The following HECW2 variants were observed in gnomAD, a reference collection of about 807,000 sequenced individuals.
HECW2 encodes the protein HECT, C2 and WW domain containing E3 ubiquitin protein ligase 2, also known as E3 ubiquitin-protein ligase HECW2.
In HECW2, 61 loss-of-function variants were observed where a neutral mutation model predicts 175.2. The observed-to-expected ratio is 0.35, with a 90% confidence interval of 0.28 to 0.43. The LOEUF is 0.43. Among genes scored for constraint, HECW2 ranks in the 20% least tolerant of loss-of-function variants. HECW2 has a pLI of 1.00. For synonymous variants in HECW2, 671 were observed against 731.0 expected (o/e 0.92, Z 1.32); for missense variants, 1,524 against 2,000.5 (o/e 0.76, Z 4.54).
intron 1 of HECW2, among the ~76,000 whole-genome samples, chr2:196,580,613 G>A (rs1333555147): frequency 1.5e-5 from 2 of 137,094 alleles, no homozygotes; most frequent in African/African-American, 2.7e-5. Flanking sequence ...AAATACAAAC[G>A]AAAACCTTAA....
intron 1 of HECW2, among the ~76,000 whole-genome samples, chr2:196,491,359 CATAT>C (rs200469302): frequency 0.055 from 4,910 of 89,440 alleles, 120 homozygotes; most frequent in South Asian, 0.11. Context: ...AATACAAAAT[CATAT>C]ATATATACAC....
chr2:196,450,165 T>C (rs1410095389), intron 1 of HECW2, among the ~76,000 whole-genome samples: 2 of 152,214 alleles, frequency 1.3e-5, no homozygotes, highest in Non-Finnish European at 2.9e-5. Flanking sequence ...GAGTTTAGGT[T>C]GGGTTTCTGT....
intron 2 of HECW2, among the ~76,000 whole-genome samples, chr2:196,354,616 A>G (rs16850199): frequency 0.074 from 11,343 of 152,328 alleles, 639 homozygotes; most frequent in African/African-American, 0.16. Context: ...AAAAAGAAAT[A>G]ACATTTTCAC....
chr2:196,420,450 A>G (rs1695378039), intron 2 of HECW2, among the ~76,000 whole-genome samples: 1 of 152,262 alleles, frequency 6.6e-6, no homozygotes, highest in Non-Finnish European at 1.5e-5. Context: ...AATGATAAAA[A>G]TAGCTGGTGC....
At chr2:196,433,864 T>G (rs1695791347) in intron 1 of HECW2, among the ~76,000 whole-genome samples, 2 of 152,210 alleles carry the variant, frequency 1.3e-5, no homozygotes, top group Admixed American at 1.3e-4. Context: ...GCGAGACACA[T>G]GCTAAATACA....
At chr2:196,236,625 C>G (rs568983401) in intron 21 of HECW2, among the ~76,000 whole-genome samples, 1 of 152,326 alleles carries the variant, frequency 6.6e-6, no homozygotes, top group Admixed American at 6.5e-5. Context: ...GACAGTTTCT[C>G]AGGCTCCTCT....
chr2:196,456,940 T>C lies in HECW2; in HGVS notation c.-35-23482A>G, dbSNP rs113017009. Among the ~76,000 whole-genome samples, 744 of 152,302 alleles carry C rather than the reference T, an allele frequency of 4.9e-3. 10 individuals are homozygous for C. Among genetic ancestry groups the C allele is most frequent in the African/African-American group, 0.016 (685 of 41,574 alleles). On this transcript the variant is annotated intron_variant, in intron 1 of 28. Coordinates refer to ENST00000644978, the MANE Select transcript of HECW2 (RefSeq NM_001348768.2). The stretch of plus-strand genomic sequence containing the variant: ...TCTAACACATGTGTGAACTATTCAT[T>C]TGGAAGAGCCAAAAGACTATCAAAT...
intron 17 of HECW2, among the ~76,000 whole-genome samples, chr2:196,258,352 C>T (rs766477723): frequency 6.6e-6 from 1 of 152,126 alleles, no homozygotes; most frequent in Non-Finnish European, 1.5e-5. Flanking sequence ...ATGTGATGAG[C>T]TCATTCCTAA....
chr2:196,249,364 T>C (rs1294292029), intron 19 of HECW2, among the ~76,000 whole-genome samples: 1 of 152,110 alleles, frequency 6.6e-6, no homozygotes, highest in Non-Finnish European at 1.5e-5. Flanking sequence ...CAAATTTTGG[T>C]GAGCACTCTA....
In HECW2 at chr2:196,198,743, T is replaced by C. The variant is rs901986146; in HGVS notation, c.*2534A>G. ...TGGATATTTCTAATTGTAGAGTACA[T>C]GAAAGTCTAATTTATTCTGTGGAAA... On this transcript the variant is annotated 3_prime_UTR_variant, in exon 29 of 29. Coordinates refer to ENST00000644978, the MANE Select transcript of HECW2 (RefSeq NM_001348768.2). 6.6e-6 allele frequency: 1 copy of C among 152,232 alleles called. No homozygotes were observed. The highest frequency in any genetic ancestry group is 1.5e-5 in the Non-Finnish European group (1 of 68,038). 9.4% of individuals were successfully genotyped at this position (152,232 alleles called of 1,614,324 possible). A position where few individuals can be genotyped will look rare whatever the true frequency, so the allele number is the denominator to read the frequency against.
chr2:196,416,339 A>G (rs753175338), intron 2 of HECW2, among the ~76,000 whole-genome samples: 7 of 152,340 alleles, frequency 4.6e-5, no homozygotes, highest in Non-Finnish European at 1.0e-4. Flanking sequence ...AAGGAAACAT[A>G]AGAGATAACA....
intron 12 of HECW2, among the ~76,000 whole-genome samples, 178 bp downstream of exon 12, chr2:196,306,952 T>A (rs1015420449): frequency 6.6e-6 from 1 of 152,222 alleles, no homozygotes; most frequent in Admixed American, 6.5e-5. Context: ...TTTCTTTATA[T>A]TAATTAAACA....
At chr2:196,450,876 T>A (rs1245448429) in intron 1 of HECW2, among the ~76,000 whole-genome samples, 1 of 152,174 alleles carries the variant, frequency 6.6e-6, no homozygotes, top group African/African-American at 2.4e-5. Flanking sequence ...ATTATCTATA[T>A]GTAGTCCCAA....
At chr2:196,452,324 C>T (rs1165136650) in intron 1 of HECW2, among the ~76,000 whole-genome samples, 3 of 152,080 alleles carry the variant, frequency 2.0e-5, no homozygotes, top group African/African-American at 7.2e-5. Context: ...TTAAATAATA[C>T]ATACTATTAA....
chr2:196,411,649 G>A (rs1034585640), intron 2 of HECW2, among the ~76,000 whole-genome samples: 1 of 152,244 alleles, frequency 6.6e-6, no homozygotes, highest in Non-Finnish European at 1.5e-5. Flanking sequence ...GAGAAGAGCT[G>A]GCCAACAAGG....
intron 14 of HECW2, among the ~76,000 whole-genome samples, chr2:196,283,001 C>T (rs1302466577): frequency 6.6e-6 from 1 of 151,978 alleles, no homozygotes; most frequent in African/African-American, 2.4e-5. Flanking sequence ...TGGCTCACAC[C>T]TGTAATCCCA....
chr2:196,319,069 A>G lies in HECW2; in HGVS notation c.1821T>C (p.Pro607=), dbSNP rs1190899985. ...GTTCTGTTTCAGAGGACACCTGGGAAGGCTCAGAGCCCTGATCGAGAGACT... is the reference window on the plus strand; with the variant it reads ...GTTCTGTTTCAGAGGACACCTGGGAGGGCTCAGAGCCCTGATCGAGAGACT... ...ETESLDQGSE[P]SQVSSETEPS... The change falls in exon 9 of 29, where the codon CCT becomes CCC. Residue 607 remains proline, a synonymous_variant. Transcript: ENST00000644978. The G allele has an allele frequency of 1.2e-6, 2 of 1,611,668 alleles. No individual in the cohort carries two copies. Among genetic ancestry groups the G allele is most frequent in the South Asian group, 2.2e-5 (2 of 90,654 alleles).
At chr2:196,420,608 A>T (rs1695382016) in intron 2 of HECW2, among the ~76,000 whole-genome samples, 1 of 152,232 alleles carries the variant, frequency 6.6e-6, no homozygotes, top group Non-Finnish European at 1.5e-5. Flanking sequence ...TAAACCAACA[A>T]GGATTTGAAG....
chr2:196,498,990 T>C (rs1364133741), intron 1 of HECW2, among the ~76,000 whole-genome samples: 2 of 151,934 alleles, frequency 1.3e-5, no homozygotes, highest in Non-Finnish European at 2.9e-5. Flanking sequence ...CCCCTATAAT[T>C]TCATCCAAGA....
Sources: allele counts gnomAD v4.1 joint callset (sites outside exome capture counted in the v4.1 genomes callset), GRCh38; gene constraint gnomAD v4.1.1; transcripts MANE v1.5; gene names NCBI Gene and HGNC (gene_info 2026-07-23, HGNC 2026-07-21).